The following PABPC4 variants were observed in gnomAD, a reference collection of about 807,000 sequenced individuals.
PABPC4 encodes poly(A) binding protein cytoplasmic 4.
PABPC4 carries 15 observed loss-of-function variants against 74.5 expected under a neutral mutation model. The ratio of observed to expected loss-of-function variants is 0.20; its 90% CI spans 0.13 to 0.31. PABPC4 has a LOEUF of 0.31. Ranked by LOEUF, PABPC4 falls within the 10% of genes least tolerant of loss-of-function variation. The pLI is 1.00. For synonymous variants in PABPC4, 345 were observed against 303.0 expected, an observed-to-expected ratio of 1.14 and a Z score of -1.44; for missense variants, 610 against 853.5, an observed-to-expected ratio of 0.71 and a Z score of 3.55.
In PABPC4 at chr1:39,571,275, G is replaced by A. The variant is rs1271157263; in HGVS notation, c.462C>T (p.Ala154=). 1.9e-6 allele frequency: 3 copies of A among 1,614,186 alleles called. No individual in the cohort carries two copies. In the East Asian group the frequency reaches 6.7e-5, roughly 36 times the overall value. ...HFETQEAADK[A]IEKMNGMLLN... ...GGAGCATGCCATTCATCTTCTCGAT[G>A]GCCTTGTCGGCAGCCTCTTGGGTCT... Residue 154 remains alanine (A), a synonymous_variant, in exon 3 of 16, where the codon GCC becomes GCT. Transcript: ENST00000372858.
At chr1:39,571,648 G>A in intron 2 of PABPC4, 1 of 513,228 alleles carries the variant, frequency 1.9e-6, no homozygotes, top group Admixed American at 2.4e-5. Context: ...CAATGCTTTG[G>A]GAGGCCAAAG....
At position 39,563,752 on chromosome 1, in the gene PABPC4, G is replaced by C; in HGVS notation, c.1541-11C>G. ...CAGCTGTGGGAACGCCTTAGGGAAA[G>C]AACAAATACAATTAAAGCCCATCAG... is the stretch of plus-strand genomic sequence containing the variant. On this transcript the variant is annotated splice_polypyrimidine_tract_variant and intron_variant, in intron 11 of 15. Coordinates refer to ENST00000372858, the MANE Select transcript of PABPC4 (RefSeq NM_001135653.2). The C allele has an allele frequency of 3.7e-6, 6 of 1,613,912 alleles. No homozygotes were observed. The highest frequency in any genetic ancestry group is 5.1e-6 in the Non-Finnish European group (6 of 1,179,800).
At chr1:39,563,314 G>A (rs2124440115) in intron 12 of PABPC4, 1 of 337,582 alleles carries the variant, frequency 3.0e-6, no homozygotes, top group East Asian at 6.2e-5. Flanking sequence ...GTCATTGGAT[G>A]CGGAAGTGAC....
At position 39,575,979 on chromosome 1, in the gene PABPC4, C is replaced by T; in HGVS notation, c.-28G>A. 1.4e-6 allele frequency: 2 copies of T among 1,437,502 alleles called. No homozygotes were observed. Among genetic ancestry groups the T allele is most frequent in the Non-Finnish European group, 1.9e-6 (2 of 1,078,632 alleles). The allele number at this position is 1,437,502 out of a possible 1,614,324, so 89.0% of individuals were successfully genotyped here. A position where few individuals can be genotyped will look rare whatever the true frequency, so the allele number is the denominator to read the frequency against. Reference sequence around the variant, plus strand: ...CCCCGCCCCCCACCACCCCGAGCCCCGCCAGGAGGACTTCTTATCGGGCCC... The same window carrying T: ...CCCCGCCCCCCACCACCCCGAGCCCTGCCAGGAGGACTTCTTATCGGGCCC... On this transcript the variant is annotated 5_prime_UTR_variant, in exon 1 of 16. Transcript: ENST00000372858.
chr1:39,571,588 A>G, intron 2 of PABPC4: 1 of 587,038 alleles, frequency 1.7e-6, no homozygotes, highest in Non-Finnish European at 3.1e-6. Context: ...TCAAAAACAA[A>G]CAAACAAAAA....
Position 39,567,809 on chromosome 1 carries a change from A to G in PABPC4, c.914T>C (p.Ile305Thr). 1.9e-6 allele frequency: 3 copies of G among 1,600,562 alleles called. No homozygotes were observed. The highest frequency in any genetic ancestry group is 2.6e-6 in the Non-Finnish European group (3 of 1,167,628). Reference sequence around the variant, plus strand: ...TTCTTTCCTTAATTTCTCATCATCAATAGTGTCATCCAAGTTCTTAATGTA... The same window carrying G: ...TTCTTTCCTTAATTTCTCATCATCAGTAGTGTCATCCAAGTTCTTAATGTA... ...NLYIKNLDDTIDDEKLRKEFS... is the reference protein window; with the variant it reads ...NLYIKNLDDTTDDEKLRKEFS... The change falls in exon 7 of 16, where the codon ATT (isoleucine) becomes ACT (threonine). Residue 305 changes from isoleucine to threonine, a missense_variant. Coordinates refer to ENST00000372858, the MANE Select transcript of PABPC4 (RefSeq NM_001135653.2).
At chr1:39,564,836 T>C in intron 8 of PABPC4, 63 bp from the exon 9 acceptor site, 1 of 1,250,608 alleles carries the variant, frequency 8.0e-7, no homozygotes, top group Non-Finnish European at 1.2e-6. Flanking sequence ...GAGAAGTATC[T>C]CATCTCATCT....
chr1:39,572,570 G>A lies in PABPC4; in HGVS notation c.210C>T (p.Asp70=). The change falls in exon 2 of 16, where the codon GAC becomes GAT. Residue 70 remains aspartate, a synonymous_variant. Transcript: ENST00000372858. ...CCTTAATCACATCAAAGTTCATGGT[G>A]TCCAAAGCCCGCTCAGCTGTAAGAG... is the stretch of plus-strand genomic sequence containing the variant. ...QQPADAERAL[D]TMNFDVIKGK... is the part of the protein sequence containing the mutation. The A allele has an allele frequency of 6.2e-7, 1 of 1,613,440 alleles. No homozygotes were observed. Among genetic ancestry groups the A allele is most frequent in the Admixed American group, 1.7e-5 (1 of 59,900 alleles).
At chr1:39,563,781 G>C (rs376230983) in intron 11 of PABPC4, 40 bp from the exon 12 acceptor site, 1 of 1,613,758 alleles carries the variant, frequency 6.2e-7, no homozygotes, top group East Asian at 2.2e-5. Flanking sequence ...CCATCAGTCT[G>C]GGCAAAGACC....
intron 7 of PABPC4, among the ~76,000 whole-genome samples, chr1:39,567,103 C>T (rs1645857439): frequency 6.6e-6 from 1 of 152,176 alleles, no homozygotes; most frequent in African/African-American, 2.4e-5. Context: ...CAGTTTCCAT[C>T]CTGCTCCCAA....
chr1:39,569,708 A>T lies in PABPC4; in HGVS notation c.644-19T>A. Reference sequence around the variant, plus strand: ...GTCTTACCTATTACCAAAGGACAGAACTATTAGTAACACCATCTTGAGCAC... The same window carrying T: ...GTCTTACCTATTACCAAAGGACAGATCTATTAGTAACACCATCTTGAGCAC... On this transcript the variant is annotated intron_variant, in intron 4 of 15. Transcript: ENST00000372858. 1 of 1,596,204 alleles carries T rather than the reference A, an allele frequency of 6.3e-7. No individual in the cohort carries two copies. Among genetic ancestry groups the T allele is most frequent in the Non-Finnish European group, 8.6e-7 (1 of 1,163,600 alleles).
chr1:39,566,276 C>T (rs1444008166), intron 7 of PABPC4, among the ~76,000 whole-genome samples: 4 of 152,142 alleles, frequency 2.6e-5, no homozygotes, highest in South Asian at 2.1e-4. Flanking sequence ...CTCTTACCAA[C>T]GTCAGGATAA....
intron 7 of PABPC4, among the ~76,000 whole-genome samples, chr1:39,566,084 G>T (rs1255502272): frequency 6.6e-6 from 1 of 152,100 alleles, no homozygotes; most frequent in African/African-American, 2.4e-5. Context: ...GAGTCCCCAG[G>T]TGATGCTAAA....
At position 39,567,739 on chromosome 1, in the gene PABPC4, G is replaced by T; in HGVS notation, c.972+12C>A. On this transcript the variant is annotated intron_variant, in intron 7 of 15. Coordinates refer to ENST00000372858, the MANE Select transcript of PABPC4 (RefSeq NM_001135653.2). ...TACCACTGCTTTCAATCCCCAGATC[G>T]CAGTATAATACCTTAGCACTGGTAA... 7.8e-7 allele frequency: 1 copy of T among 1,278,828 alleles called. No individual in the cohort carries two copies. Among genetic ancestry groups the T allele is most frequent in the Non-Finnish European group, 1.1e-6 (1 of 875,812 alleles). The allele number at this position is 1,278,828 out of a possible 1,614,324, so 79.2% of individuals were successfully genotyped here.
chr1:39,561,973 G>A, intron 14 of PABPC4, 100 bp downstream of exon 14: 1 of 1,400,982 alleles, frequency 7.1e-7, no homozygotes, highest in Non-Finnish European at 9.9e-7. Flanking sequence ...GGGGTCCTGG[G>A]GGCAGCAGAT....
In PABPC4 at chr1:39,569,876, T is replaced by C. The variant is rs1645912444; in HGVS notation, c.630A>G (p.Leu210=). The change falls in exon 4 of 16, where the codon CTA becomes CTG. Residue 210 remains leucine, a synonymous_variant. Coordinates refer to ENST00000372858, the MANE Select transcript of PABPC4 (RefSeq NM_001135653.2). ...EEVDDESLKE[L]FSQFGKTLSV... ...ACCCCAACTTACCAAACTGACTGAATAGCTCTTTCAGACTCTCATCATCCA... is the reference window on the plus strand; with the variant it reads ...ACCCCAACTTACCAAACTGACTGAACAGCTCTTTCAGACTCTCATCATCCA... The C allele has an allele frequency of 6.2e-7, 1 of 1,614,038 alleles. No homozygotes were observed. The highest frequency in any genetic ancestry group is 8.5e-7 in the Non-Finnish European group (1 of 1,180,014).
At position 39,565,210 on chromosome 1, in the gene PABPC4, G is replaced by C. The variant is rs375010824; in HGVS notation, c.1141C>G (p.Gln381Glu). ...ATTCCAGCCACTCGTTGCATATACT[G>C]GTTGGTCAGGTGAGCCTTTCTCTCT... ...KEERKAHLTNQYMQRVAGMRA... is the reference protein window; with the variant it reads ...KEERKAHLTNEYMQRVAGMRA... The change falls in exon 8 of 16, where the codon CAG becomes GAG. Residue 381 changes from glutamine (Q) to glutamate (E), a missense_variant. Around this residue, in one of 4 missense-constraint regions of PABPC4, gnomAD observed 277 missense variants for 301.8 expected, o/e 0.92. Coordinates refer to ENST00000372858, the MANE Select transcript of PABPC4 (RefSeq NM_001135653.2). The C allele has an allele frequency of 7.4e-6, 12 of 1,614,188 alleles. No individual in the cohort carries two copies. Among genetic ancestry groups the C allele is most frequent in the Non-Finnish European group, 1.0e-5 (12 of 1,180,026 alleles).
At position 39,576,523 on chromosome 1, in the gene PABPC4, G is replaced by A. The variant is rs1479966467; in HGVS notation, c.-572C>T. On this transcript the variant is annotated 5_prime_UTR_variant, in exon 1 of 16. Transcript: ENST00000372858. ...GGGGCTCGGGGCCCGAGCGGGGGGAGGGCACGGCGGGCCGGGCGGGCGGCT... is the reference window on the plus strand; with the variant it reads ...GGGGCTCGGGGCCCGAGCGGGGGGAAGGCACGGCGGGCCGGGCGGGCGGCT... 1 of 149,420 alleles carries A rather than the reference G, an allele frequency of 6.7e-6. No individual in the cohort carries two copies. The highest frequency in any genetic ancestry group is 6.7e-5 in the Admixed American group (1 of 14,976). 9.3% of individuals were successfully genotyped at this position (149,420 alleles called of 1,614,324 possible).
chr1:39,571,424 G>A (rs1481703315), intron 2 of PABPC4, 75 bp from the exon 3 acceptor site: 8 of 1,568,862 alleles, frequency 5.1e-6, no homozygotes, highest in Non-Finnish European at 7.0e-6. Context: ...GGTATCTTGT[G>A]CCTGAGGAGA....
Sources: allele counts gnomAD v4.1 joint callset (sites outside exome capture counted in the v4.1 genomes callset), GRCh38; gene constraint gnomAD v4.1.1; regional missense constraint gnomAD v4.1.1; transcripts MANE v1.5; gene names NCBI Gene and HGNC (gene_info 2026-07-23, HGNC 2026-07-21).